CDADC1: variants seen among roughly 807,000 people sequenced by gnomAD.
CDADC1 encodes dCTP deaminase.
In CDADC1, 39 loss-of-function variants were observed where a neutral mutation model predicts 54.9. The observed-to-expected ratio is 0.71, with a 90% CI of 0.55 to 0.93. The LOEUF is 0.93. Among genes scored for constraint, CDADC1 ranks in the 40% least tolerant of loss-of-function variants. CDADC1 has a pLI of 0.00. For synonymous variants in CDADC1, 186 were observed against 204.0 expected, an observed-to-expected ratio of 0.91 and a Z score of 0.75; for missense variants, 518 against 618.8, an observed-to-expected ratio of 0.84 and a Z score of 1.73.
rs1325793210 is a variant in CDADC1 at position 49,291,666 on chromosome 13, C to T, written c.1472-18C>T. 5 of 1,611,692 alleles carry T rather than the reference C, an allele frequency of 3.1e-6. No individual in the cohort carries two copies. Among genetic ancestry groups the T allele is most frequent in the African/African-American group, 1.3e-5 (1 of 74,766 alleles). On this transcript the variant is annotated intron_variant, in intron 9 of 9. Coordinates refer to ENST00000251108, the MANE Select transcript of CDADC1 (RefSeq NM_030911.4). ...TTGAAATGAAGCTGTCCTGACCTAGCGTTATTCTCAATGCTAGATGGTGTG... is the reference window on the plus strand; with the variant it reads ...TTGAAATGAAGCTGTCCTGACCTAGTGTTATTCTCAATGCTAGATGGTGTG...
chr13:49,290,031 C>G (rs1235390086), intron 9 of CDADC1, among the ~76,000 whole-genome samples: 2 of 151,936 alleles, frequency 1.3e-5, no homozygotes, highest in Non-Finnish European at 2.9e-5. Context: ...GGGTAACAGA[C>G]TGAGACAGAC....
chr13:49,250,855 C>T (rs568816666), intron 2 of CDADC1, among the ~76,000 whole-genome samples: 12 of 152,228 alleles, frequency 7.9e-5, no homozygotes, highest in African/African-American at 9.6e-5. Flanking sequence ...TATTATACAT[C>T]GTTATTCCAT....
intron 6 of CDADC1, 28 bp downstream of exon 6, chr13:49,274,368 T>C: frequency 1.3e-6 from 2 of 1,581,280 alleles, no homozygotes; most frequent in Non-Finnish European, 1.7e-6. Flanking sequence ...TCTTTAAATA[T>C]TTAACCTGGA....
At chr13:49,265,554 G>A (rs1259563832) in intron 4 of CDADC1, among the ~76,000 whole-genome samples, 3 of 152,026 alleles carry the variant, frequency 2.0e-5, no homozygotes, top group Non-Finnish European at 4.4e-5. Flanking sequence ...AAAGATATTT[G>A]TAAAAATTTA....
chr13:49,266,969 T>C (rs2138218694), intron 4 of CDADC1, among the ~76,000 whole-genome samples: 1 of 152,290 alleles, frequency 6.6e-6, no homozygotes, highest in Non-Finnish European at 1.5e-5. Flanking sequence ...GCGCTGGGCT[T>C]TGGGATCACA....
At chr13:49,283,242 T>C (rs1319665547) in intron 8 of CDADC1, among the ~76,000 whole-genome samples, 1 of 152,150 alleles carries the variant, frequency 6.6e-6, no homozygotes, top group Non-Finnish European at 1.5e-5. Flanking sequence ...CCAGTGTCTG[T>C]CATGTGTATA....
At chr13:49,255,714 A>T in intron 2 of CDADC1, 125 bp from the exon 3 acceptor site, 1 of 1,122,516 alleles carries the variant, frequency 8.9e-7, no homozygotes, top group Non-Finnish European at 1.3e-6. Flanking sequence ...AAGTCAATGT[A>T]GAGTTTCATC....
intron 9 of CDADC1, among the ~76,000 whole-genome samples, chr13:49,286,506 A>C (rs1953518556): frequency 6.6e-6 from 1 of 152,246 alleles, no homozygotes; most frequent in South Asian, 2.1e-4. Flanking sequence ...CTACAGGTTA[A>C]TACAAATAAT....
chr13:49,248,011 T>G lies in CDADC1; in HGVS notation c.-27T>G. ...TCATGTCTGACTGGGAGAGGTTTCC[T>G]TGGCAGCAGAGGACGCTAGGTTTGG... is the stretch of plus-strand genomic sequence containing the variant. On this transcript the variant is annotated 5_prime_UTR_variant, in exon 1 of 10. Transcript: ENST00000251108. The G allele has an allele frequency of 6.5e-7, 1 of 1,549,042 alleles. No homozygotes were observed. The highest frequency in any genetic ancestry group is 1.2e-5 in the South Asian group (1 of 84,008).
At chr13:49,248,820 C>T (rs749432525) in intron 1 of CDADC1, 51 bp from the exon 2 acceptor site, 1 of 1,223,744 alleles carries the variant, frequency 8.2e-7, no homozygotes, top group Admixed American at 1.7e-5. Flanking sequence ...GATTGGCTCC[C>T]TTTTTCACCA....
At chr13:49,266,478 A>C (rs1409172163) in intron 4 of CDADC1, among the ~76,000 whole-genome samples, 1 of 152,100 alleles carries the variant, frequency 6.6e-6, no homozygotes, top group African/African-American at 2.4e-5. Flanking sequence ...CCTCTGTCAC[A>C]CTGATTGAAA....
intron 5 of CDADC1, among the ~76,000 whole-genome samples, chr13:49,273,711 C>G (rs1953028386): frequency 6.7e-6 from 1 of 148,156 alleles, no homozygotes; most frequent in Non-Finnish European, 1.5e-5. Context: ...TTGTTTAAAT[C>G]AGAATTCTCT....
chr13:49,279,991 A>G (rs370709057), intron 7 of CDADC1, among the ~76,000 whole-genome samples: 123 of 152,356 alleles, frequency 8.1e-4, no homozygotes, highest in East Asian at 5.4e-3. Flanking sequence ...TAAGGGAACT[A>G]TAAGTCAAAA....
At chr13:49,291,317 G>C (rs545456846) in intron 9 of CDADC1, among the ~76,000 whole-genome samples, 1 of 147,826 alleles carries the variant, frequency 6.8e-6, no homozygotes, top group Non-Finnish European at 1.5e-5. Context: ...ACAGGTGTGC[G>C]CCACAACACC....
At chr13:49,284,841 T>C (rs1953459709) in intron 8 of CDADC1, among the ~76,000 whole-genome samples, 1 of 152,184 alleles carries the variant, frequency 6.6e-6, no homozygotes. Flanking sequence ...GGGTAATCCA[T>C]ATTTGTGTCC....
chr13:49,268,837 G>A (rs1161913181), intron 5 of CDADC1, among the ~76,000 whole-genome samples: 3 of 152,070 alleles, frequency 2.0e-5, no homozygotes, highest in Non-Finnish European at 4.4e-5. Flanking sequence ...TCCAGTTGCT[G>A]GTATGTCTTC....
chr13:49,292,933 C>G lies in CDADC1; in HGVS notation c.*1176C>G. The G allele has an allele frequency of 2.2e-6, 1 of 455,940 alleles. No homozygotes were observed. Among genetic ancestry groups the G allele is most frequent in the South Asian group, 2.1e-5 (1 of 48,092 alleles). 28.2% of individuals were successfully genotyped at this position (455,940 alleles called of 1,614,324 possible). A position where few individuals can be genotyped will look rare whatever the true frequency, so the allele number is the denominator to read the frequency against. On this transcript the variant is annotated 3_prime_UTR_variant, in exon 10 of 10. Transcript: ENST00000251108. ...TCTCAGAATTACACGCACGACCATC[C>G]AAACATTGGCTCCATGCCAGGGCTG...
At chr13:49,266,691 G>C (rs1411731635) in intron 4 of CDADC1, among the ~76,000 whole-genome samples, 4 of 152,066 alleles carry the variant, frequency 2.6e-5, no homozygotes, top group African/African-American at 9.7e-5. Flanking sequence ...AGGTTTTTGG[G>C]TTTGGGTTTT....
At chr13:49,282,498 G>A (rs1367276923) in intron 8 of CDADC1, among the ~76,000 whole-genome samples, 1 of 152,120 alleles carries the variant, frequency 6.6e-6, no homozygotes, top group Non-Finnish European at 1.5e-5. Flanking sequence ...TTTTTTCCCA[G>A]AAGTTGTTGA....
Sources: gnomAD v4.1 joint callset for allele counts (sites outside exome capture counted in the v4.1 genomes callset) on GRCh38, gnomAD v4.1.1 for gene constraint, MANE v1.5 for transcripts, NCBI Gene and HGNC (gene_info 2026-07-23, HGNC 2026-07-21) for gene names.